The following ENTREP2 variants were observed in gnomAD, a reference collection of about 807,000 sequenced individuals.
ENTREP2 encodes the protein endosomal transmembrane epsin interactor 2.
At chr15:29,642,556 T>TATATATC in the ENTREP2 span, among the ~76,000 whole-genome samples, 4 of 146,060 alleles carry the variant, frequency 2.7e-5, no homozygotes, top group African/African-American at 1.0e-4. Context: ...TATATACACA[T>TATATATC]ATATATACTA....
chr15:29,428,181 C>T, the ENTREP2 span, among the ~76,000 whole-genome samples: 1 of 152,184 alleles, frequency 6.6e-6, no homozygotes, highest in Admixed American at 6.5e-5. Context: ...AGATGACACC[C>T]TGTGGAGACT....
At chr15:29,239,004 T>C in the ENTREP2 span, among the ~76,000 whole-genome samples, 1 of 152,110 alleles carries the variant, frequency 6.6e-6, no homozygotes, top group South Asian at 2.1e-4. Context: ...ATGACTTACA[T>C]GTCAATAAAG....
chr15:29,213,826 A>T, the ENTREP2 span, among the ~76,000 whole-genome samples: 3 of 152,252 alleles, frequency 2.0e-5, no homozygotes, highest in South Asian at 4.1e-4. Flanking sequence ...GAATCTACAA[A>T]GAACTCCAAC....
At chr15:29,148,552 G>A in the ENTREP2 span, among the ~76,000 whole-genome samples, 2 of 152,140 alleles carry the variant, frequency 1.3e-5, no homozygotes, top group African/African-American at 4.8e-5. Context: ...TAAATGCTAT[G>A]GAAATAGTTG....
chr15:29,315,548 C>T, the ENTREP2 span, among the ~76,000 whole-genome samples: 1 of 152,162 alleles, frequency 6.6e-6, no homozygotes, highest in South Asian at 2.1e-4. Context: ...TGTTTCTCAC[C>T]AGTTATATCA....
the ENTREP2 span, among the ~76,000 whole-genome samples, chr15:29,510,289 A>G: frequency 6.6e-6 from 1 of 152,242 alleles, no homozygotes; most frequent in Non-Finnish European, 1.5e-5. Flanking sequence ...GAACGCTTTT[A>G]CACCATTGGT....
chr15:29,257,083 T>TTTAA, the ENTREP2 span, among the ~76,000 whole-genome samples: 4 of 142,234 alleles, frequency 2.8e-5, no homozygotes, highest in African/African-American at 1.2e-4. Context: ...TATTTATTTA[T>TTTAA]TTATCTTGAG....
the ENTREP2 span, among the ~76,000 whole-genome samples, chr15:29,555,640 T>C: frequency 6.6e-6 from 1 of 152,134 alleles, no homozygotes. Context: ...GCTATTTGCA[T>C]ATTCCCAGAT....
the ENTREP2 span, among the ~76,000 whole-genome samples, chr15:29,180,225 C>T: frequency 6.6e-6 from 1 of 152,148 alleles, no homozygotes; most frequent in African/African-American, 2.4e-5. Flanking sequence ...ATACATTTAC[C>T]TGTCCTCAAA....
the ENTREP2 span, among the ~76,000 whole-genome samples, chr15:29,666,278 C>G: frequency 1.3e-5 from 2 of 152,180 alleles, no homozygotes; most frequent in Non-Finnish European, 2.9e-5. Flanking sequence ...TTCATCCCAG[C>G]AGGGGTGTCA....
chr15:29,596,313 C>T, the ENTREP2 span, among the ~76,000 whole-genome samples: 1 of 152,182 alleles, frequency 6.6e-6, no homozygotes, highest in African/African-American at 2.4e-5. Flanking sequence ...ACCTCTAATC[C>T]ATTACCACAT....
At chr15:29,580,402 G>A in the ENTREP2 span, among the ~76,000 whole-genome samples, 2 of 152,132 alleles carry the variant, frequency 1.3e-5, no homozygotes, top group African/African-American at 4.8e-5. Flanking sequence ...CATTTATCTA[G>A]AGTTCTTAGA....
chr15:29,388,798 G>A, the ENTREP2 span, among the ~76,000 whole-genome samples: 1 of 152,092 alleles, frequency 6.6e-6, no homozygotes, highest in Non-Finnish European at 1.5e-5. Flanking sequence ...AAAAGGATGA[G>A]TTCATGTCCT....
At chr15:29,621,206 G>A in the ENTREP2 span, among the ~76,000 whole-genome samples, 10 of 151,634 alleles carry the variant, frequency 6.6e-5, no homozygotes, top group South Asian at 2.1e-4. Flanking sequence ...TGGCTAACAC[G>A]GTGAAACCCC....
the ENTREP2 span, among the ~76,000 whole-genome samples, chr15:29,636,553 C>T: frequency 6.6e-6 from 1 of 152,198 alleles, no homozygotes; most frequent in African/African-American, 2.4e-5. Context: ...GTCTGCTACA[C>T]AGCAATATTA....
At chr15:29,132,111 C>G in the ENTREP2 span, among the ~76,000 whole-genome samples, 1 of 152,186 alleles carries the variant, frequency 6.6e-6, no homozygotes, top group East Asian at 1.9e-4. Flanking sequence ...GCAGCCTCCT[C>G]TCTTTATCCA....
the ENTREP2 span, among the ~76,000 whole-genome samples, chr15:29,497,182 G>A: frequency 6.6e-6 from 1 of 152,144 alleles, no homozygotes; most frequent in Non-Finnish European, 1.5e-5. Context: ...CTCACCAGAT[G>A]TGGGCCCTAG....
the ENTREP2 span, among the ~76,000 whole-genome samples, chr15:29,163,930 C>G: frequency 2.6e-5 from 4 of 152,150 alleles, no homozygotes; most frequent in African/African-American, 9.7e-5. Flanking sequence ...CACCAGGTAA[C>G]CTATAAAAGA....
the ENTREP2 span, among the ~76,000 whole-genome samples, chr15:29,176,815 C>G: frequency 2.6e-5 from 4 of 152,334 alleles, no homozygotes; most frequent in African/African-American, 9.6e-5. Flanking sequence ...TCCTCCTACT[C>G]TGATGTGCCT....
Sources: gnomAD v4.1 joint callset for allele counts (sites outside exome capture counted in the v4.1 genomes callset) on GRCh38, gnomAD v4.1.1 for gene constraint, MANE v1.5 for transcripts, NCBI Gene and HGNC (gene_info 2026-07-23, HGNC 2026-07-21) for gene names.